Variants in KIT observed in about 807,000 individuals in gnomAD.
KIT encodes mast/stem cell growth factor receptor Kit.
Under a neutral mutation model 105.7 loss-of-function variants are expected in KIT, and 16 were observed. The observed-to-expected ratio is 0.15, with a 90% CI of 0.10 to 0.23. The LOEUF is 0.23. Ranked by LOEUF, KIT falls within the 10% of genes least tolerant of loss-of-function variation. KIT has a pLI of 1.00. For synonymous variants in KIT, 438 were observed against 441.1 expected, an observed-to-expected ratio of 0.99 and a Z score of 0.09; for missense variants, 858 against 1,213.8, an observed-to-expected ratio of 0.71 and a Z score of 4.36.
At chr4:54,738,379 T>C (rs746938802) in intron 20 of KIT, 50 bp from the exon 21 acceptor site, 2 of 1,607,352 alleles carry the variant, frequency 1.2e-6, no homozygotes, top group Non-Finnish European at 1.7e-6. Context: ...CTTTTGTTGC[T>C]ATGTTCGTTG....
Position 54,738,785 on chromosome 4 carries a change from C to T in KIT, c.*228C>T, listed in dbSNP as rs1189596357. ...TTCCCAATAGCAACGTAGCTTCTACCATGAACAGAAAACATTCTGATTTGG... is the reference window on the plus strand; with the variant it reads ...TTCCCAATAGCAACGTAGCTTCTACTATGAACAGAAAACATTCTGATTTGG... On this transcript the variant is annotated 3_prime_UTR_variant, in exon 21 of 21. Transcript: ENST00000288135. The T allele has an allele frequency of 1.6e-6, 1 of 617,508 alleles. No homozygotes were observed. The highest frequency in any genetic ancestry group is 2.9e-6 in the Non-Finnish European group (1 of 347,242). The allele number at this position is 617,508 out of a possible 1,614,324, so 38.3% of individuals were successfully genotyped here. A position where few individuals can be genotyped will look rare whatever the true frequency, so the allele number is the denominator to read the frequency against.
At chr4:54,681,307 T>G (rs966251048) in intron 1 of KIT, among the ~76,000 whole-genome samples, 4 of 152,112 alleles carry the variant, frequency 2.6e-5, no homozygotes, top group Non-Finnish European at 5.9e-5. Flanking sequence ...AACGGGGGAC[T>G]GTGCTGGGCT....
At chr4:54,681,958 G>A (rs1718953324) in intron 1 of KIT, among the ~76,000 whole-genome samples, 2 of 152,028 alleles carry the variant, frequency 1.3e-5, no homozygotes, top group Non-Finnish European at 1.5e-5. Context: ...GCCTGGGAAA[G>A]CGAGACTCCA....
At chr4:54,717,838 G>A (rs1721602371) in intron 7 of KIT, among the ~76,000 whole-genome samples, 1 of 151,968 alleles carries the variant, frequency 6.6e-6, no homozygotes, top group Non-Finnish European at 1.5e-5. Context: ...AGAGGCTTTT[G>A]TCCCATGCCT....
At chr4:54,704,504 C>T (rs1020476062) in intron 5 of KIT, among the ~76,000 whole-genome samples, 9 of 151,958 alleles carry the variant, frequency 5.9e-5, no homozygotes, top group Admixed American at 5.9e-4. Context: ...AATCTGTCCC[C>T]GGACCCCATC....
At chr4:54,723,006 T>C (rs565707077) in intron 7 of KIT, among the ~76,000 whole-genome samples, 57 of 151,916 alleles carry the variant, frequency 3.8e-4, no homozygotes, top group African/African-American at 1.4e-3. Context: ...GTAAAGCCCA[T>C]ATTGTATTTT....
chr4:54,694,276 G>A (rs1461065030), intron 1 of KIT, among the ~76,000 whole-genome samples: 2 of 151,740 alleles, frequency 1.3e-5, no homozygotes. Flanking sequence ...TTATGATATG[G>A]TTACACTCCA....
chr4:54,736,430 A>G lies in KIT; in HGVS notation c.2485-68A>G, dbSNP rs1246707101. The G allele has an allele frequency of 4.3e-6, 5 of 1,166,478 alleles. No individual in the cohort carries two copies. In the East Asian group the frequency reaches 9.3e-5, roughly 22 times the overall value. 72.3% of individuals were successfully genotyped at this position (1,166,478 alleles called of 1,614,324 possible). A position where few individuals can be genotyped will look rare whatever the true frequency, so the allele number is the denominator to read the frequency against. The stretch of plus-strand genomic sequence containing the variant: ...TTCAGCAACAGCAGCATCTATAAGA[A>G]TATCTTCTGTTCAATTTTGTTGAGC... On this transcript the variant is annotated intron_variant, in intron 17 of 20. Transcript: ENST00000288135.
intron 5 of KIT, among the ~76,000 whole-genome samples, chr4:54,706,227 T>A (rs566517080): frequency 8.6e-5 from 13 of 151,740 alleles, no homozygotes; most frequent in South Asian, 4.2e-4. Flanking sequence ...ATAGATAATT[T>A]AAAAAAAAAT....
intron 8 of KIT, among the ~76,000 whole-genome samples, chr4:54,725,563 A>T (rs934936562): frequency 2.0e-5 from 3 of 152,162 alleles, no homozygotes; most frequent in African/African-American, 7.2e-5. Context: ...ACCCTCTGCA[A>T]TGGGTATTAC....
intron 7 of KIT, among the ~76,000 whole-genome samples, chr4:54,715,907 C>T (rs561549630): frequency 5.3e-5 from 8 of 152,208 alleles, no homozygotes; most frequent in African/African-American, 1.9e-4. Flanking sequence ...CAGATTTGGT[C>T]CTTAAGGCCA....
chr4:54,683,126 G>T (rs1172247178), intron 1 of KIT, among the ~76,000 whole-genome samples: 1 of 152,118 alleles, frequency 6.6e-6, no homozygotes, highest in Non-Finnish European at 1.5e-5. Context: ...CAGGATAATT[G>T]GGGTTATCCC....
intron 17 of KIT, among the ~76,000 whole-genome samples, chr4:54,734,627 T>C (rs1722810795): frequency 6.6e-6 from 1 of 152,146 alleles, no homozygotes; most frequent in African/African-American, 2.4e-5. Flanking sequence ...ACCAGGCTAG[T>C]GGGTAAGGAG....
At chr4:54,701,994 C>A (rs1720483588) in intron 4 of KIT, among the ~76,000 whole-genome samples, 2 of 152,120 alleles carry the variant, frequency 1.3e-5, no homozygotes, top group Admixed American at 6.5e-5. Flanking sequence ...TTCCCACATA[C>A]CCTTTTAGAA....
intron 1 of KIT, among the ~76,000 whole-genome samples, chr4:54,668,700 T>G (rs1347710374): frequency 6.6e-6 from 1 of 152,136 alleles, no homozygotes. Flanking sequence ...ATTTTAGAAG[T>G]GTGAAAGGTG....
In KIT at chr4:54,738,862, C is replaced by A; in HGVS notation, c.*305C>A. On this transcript the variant is annotated 3_prime_UTR_variant, in exon 21 of 21. Coordinates refer to ENST00000288135, the MANE Select transcript of KIT (RefSeq NM_000222.3). ...GGCCAGAGTCCTTTCCAAGGCTTCT[C>A]CAATTCTGCCCAAAAATATGGTTGA... 1 of 597,940 alleles carries A rather than the reference C, an allele frequency of 1.7e-6. No individual in the cohort carries two copies. Among genetic ancestry groups the A allele is most frequent in the South Asian group, 2.1e-5 (1 of 48,468 alleles). 37.0% of individuals were successfully genotyped at this position (597,940 alleles called of 1,614,324 possible).
chr4:54,689,484 C>A (rs574140265), intron 1 of KIT, among the ~76,000 whole-genome samples: 1 of 152,102 alleles, frequency 6.6e-6, no homozygotes, highest in African/African-American at 2.4e-5. Flanking sequence ...AAGACCTTTT[C>A]CTGCCAATGC....
At position 54,698,633 on chromosome 4, in the gene KIT, C is replaced by T. The variant is rs956102149; in HGVS notation, c.619+68C>T. ...CTTATCTAAAGAAGACTTCTCTTCTCGTTGATCCACCTTAGTGTAGTCAAT... is the reference window on the plus strand; with the variant it reads ...CTTATCTAAAGAAGACTTCTCTTCTTGTTGATCCACCTTAGTGTAGTCAAT... On this transcript the variant is annotated intron_variant, in intron 3 of 20. Coordinates refer to ENST00000288135, the MANE Select transcript of KIT (RefSeq NM_000222.3). 17 of 1,518,708 alleles carry T rather than the reference C, an allele frequency of 1.1e-5. No individual in the cohort carries two copies. In the East Asian group the frequency reaches 2.5e-4, roughly 22 times the overall value. The allele number at this position is 1,518,708 out of a possible 1,614,324, so 94.1% of individuals were successfully genotyped here.
chr4:54,689,660 G>A (rs367576785), intron 1 of KIT, among the ~76,000 whole-genome samples: 3 of 152,298 alleles, frequency 2.0e-5, no homozygotes, highest in Non-Finnish European at 1.5e-5. Context: ...GCAGGTTTTA[G>A]GTTTAGCCGG....
Sources: allele counts gnomAD v4.1 joint callset (sites outside exome capture counted in the v4.1 genomes callset), GRCh38; gene constraint gnomAD v4.1.1; transcripts MANE v1.5; gene names NCBI Gene and HGNC (gene_info 2026-07-23, HGNC 2026-07-21).